Variants in FRY observed in about 807,000 individuals in gnomAD.
FRY encodes the protein FRY microtubule binding protein, also known as protein furry homolog.
Under a neutral mutation model 348.4 loss-of-function variants are expected in FRY, and 128 were observed. The ratio of observed to expected loss-of-function variants is 0.37; its 90% CI spans 0.32 to 0.43. The LOEUF is 0.43. Ranked by LOEUF, FRY falls within the 20% of genes least tolerant of loss-of-function variation. The pLI is 1.00. For synonymous variants in FRY, 1,370 were observed against 1,374.7 expected, an observed-to-expected ratio of 1.00 and a Z score of 0.08; for missense variants, 2,736 against 3,695.2, an observed-to-expected ratio of 0.74 and a Z score of 6.73.
At chr13:32,137,022 T>G (rs1359776334) in intron 11 of FRY, 50 bp downstream of exon 11, 1 of 1,019,448 alleles carries the variant, frequency 9.8e-7, no homozygotes, top group African/African-American at 1.6e-5. Context: ...TTTACAGTAG[T>G]TTTTAGGCTG....
At chr13:32,277,673 T>A (rs891145832) in intron 57 of FRY, among the ~76,000 whole-genome samples, 1 of 152,048 alleles carries the variant, frequency 6.6e-6, no homozygotes, top group African/African-American at 2.4e-5. Flanking sequence ...TGGTTTGGGG[T>A]TTGTTTATTG....
chr13:32,272,819 T>C (rs1308713510), intron 55 of FRY, among the ~76,000 whole-genome samples: 4 of 152,024 alleles, frequency 2.6e-5, no homozygotes, highest in African/African-American at 9.7e-5. Context: ...CACTGCAACC[T>C]CCACCTCCCG....
At chr13:32,172,392 A>T (rs896783050) in intron 18 of FRY, among the ~76,000 whole-genome samples, 3 of 152,230 alleles carry the variant, frequency 2.0e-5, no homozygotes, top group Non-Finnish European at 2.9e-5. Flanking sequence ...GGTATATAAA[A>T]GTCAGCTGTC....
chr13:32,133,253 G>A (rs1373432641), intron 8 of FRY, among the ~76,000 whole-genome samples: 3 of 151,972 alleles, frequency 2.0e-5, no homozygotes, highest in Non-Finnish European at 4.4e-5. Flanking sequence ...CAAACTTCTC[G>A]GGTTTGAATT....
At chr13:32,111,557 C>A (rs930961771) in intron 3 of FRY, among the ~76,000 whole-genome samples, 1 of 152,030 alleles carries the variant, frequency 6.6e-6, no homozygotes, top group Admixed American at 6.6e-5. Flanking sequence ...GAGGAAGCAT[C>A]AGCATTGCAT....
chr13:32,265,097 C>T (rs775470174), intron 53 of FRY, among the ~76,000 whole-genome samples: 3 of 152,190 alleles, frequency 2.0e-5, no homozygotes, highest in Non-Finnish European at 4.4e-5. Context: ...CCCTTTCCCA[C>T]GTGGAGCATT....
Position 32,209,008 on chromosome 13 carries a change from G to A in FRY, c.4174G>A (p.Glu1392Lys), listed in dbSNP as rs530693474. Residue 1392 changes from glutamate to lysine, a missense_variant, in exon 32 of 61, where the codon GAA becomes AAA. Physicochemically the swap from Glu to Lys is moderately conservative, Grantham distance 56. This residue lies in a region of FRY where 794 missense variants were observed against 977.0 expected (regional missense o/e 0.81). Coordinates refer to ENST00000542859, the MANE Select transcript of FRY (RefSeq NM_023037.3). ...SSPEDEVKDR[E>K]GDVTASHGLR... ...CCCAGAGGACGAAGTCAAGGACCGGGAAGGTGACGTGACTGCTTCTCACGG... is the reference window on the plus strand; with the variant it reads ...CCCAGAGGACGAAGTCAAGGACCGGAAAGGTGACGTGACTGCTTCTCACGG... 2.5e-6 allele frequency: 4 copies of A among 1,614,188 alleles called. No individual in the cohort carries two copies. Among genetic ancestry groups the A allele is most frequent in the Admixed American group, 1.7e-5 (1 of 60,028 alleles).
At chr13:32,262,636 C>T (rs1451239869) in intron 53 of FRY, among the ~76,000 whole-genome samples, 161 bp downstream of exon 53, 1 of 152,100 alleles carries the variant, frequency 6.6e-6, no homozygotes, top group Non-Finnish European at 1.5e-5. Flanking sequence ...TGCACCTGAG[C>T]CTATGTTTTG....
chr13:32,097,974 A>G (rs928346528), intron 2 of FRY, among the ~76,000 whole-genome samples: 6 of 152,104 alleles, frequency 3.9e-5, no homozygotes, highest in African/African-American at 1.5e-4. Flanking sequence ...AAAACAAGAC[A>G]TATACACAGA....
chr13:32,226,367 T>C (rs972168333), intron 39 of FRY, among the ~76,000 whole-genome samples: 2 of 152,158 alleles, frequency 1.3e-5, no homozygotes, highest in Non-Finnish European at 2.9e-5. Context: ...GATGTATCAC[T>C]TGTGTGCCTT....
At chr13:32,057,717 T>C (rs1873713749) in intron 1 of FRY, among the ~76,000 whole-genome samples, 1 of 152,096 alleles carries the variant, frequency 6.6e-6, no homozygotes, top group Non-Finnish European at 1.5e-5. Flanking sequence ...GCTAGCACTT[T>C]GGGAGGCTGA....
At chr13:32,161,559 CAAAT>C (rs1881444814) in intron 17 of FRY, among the ~76,000 whole-genome samples, 1 of 152,036 alleles carries the variant, frequency 6.6e-6, no homozygotes. Flanking sequence ...GGGAAGGCAA[CAAAT>C]AACTCCTGAG....
intron 2 of FRY, among the ~76,000 whole-genome samples, chr13:32,084,310 C>T (rs772904067): frequency 1.2e-4 from 19 of 152,190 alleles, no homozygotes; most frequent in Non-Finnish European, 1.9e-4. Flanking sequence ...CTGTCCATTA[C>T]ATTTCTTGCA....
intron 55 of FRY, among the ~76,000 whole-genome samples, chr13:32,273,746 C>T (rs781316281): frequency 2.0e-5 from 3 of 152,178 alleles, no homozygotes; most frequent in Non-Finnish European, 4.4e-5. Flanking sequence ...AAAAGAGTTA[C>T]GCCTTTTGAC....
intron 1 of FRY, among the ~76,000 whole-genome samples, chr13:32,063,846 G>C (rs1247136408): frequency 6.6e-6 from 1 of 152,190 alleles, no homozygotes; most frequent in Non-Finnish European, 1.5e-5. Context: ...GTATTGCTTT[G>C]TTGCAGAAAG....
chr13:32,229,151 C>T (rs1885774533), intron 40 of FRY, among the ~76,000 whole-genome samples: 1 of 152,194 alleles, frequency 6.6e-6, no homozygotes, highest in African/African-American at 2.4e-5. Context: ...CAATAGGAAG[C>T]ATAATAGGAA....
At chr13:32,154,238 T>G (rs1364124220) in intron 14 of FRY, among the ~76,000 whole-genome samples, 1 of 152,172 alleles carries the variant, frequency 6.6e-6, no homozygotes, top group African/African-American at 2.4e-5. Context: ...ACTAATGGGC[T>G]TCGATACACG....
chr13:32,290,771 G>A (rs1889301033), intron 59 of FRY, among the ~76,000 whole-genome samples: 1 of 151,986 alleles, frequency 6.6e-6, no homozygotes, highest in South Asian at 2.1e-4. Flanking sequence ...GTATGGAGAG[G>A]AGGAAGGAAA....
intron 4 of FRY, among the ~76,000 whole-genome samples, chr13:32,119,134 AT>A (rs1360665708): frequency 2.6e-5 from 4 of 152,236 alleles, no homozygotes; most frequent in Non-Finnish European, 4.4e-5. Flanking sequence ...ACTTAGTAGC[AT>A]TTTAGTTAAT....
Sources: allele counts gnomAD v4.1 joint callset (sites outside exome capture counted in the v4.1 genomes callset), GRCh38; gene constraint gnomAD v4.1.1; regional missense constraint gnomAD v4.1.1; transcripts MANE v1.5; gene names NCBI Gene and HGNC (gene_info 2026-07-23, HGNC 2026-07-21).